The following CSMD3 variants were observed in gnomAD, a reference collection of about 807,000 sequenced individuals.
CSMD3 encodes the protein CUB and Sushi multiple domains 3.
Under a neutral mutation model 435.2 loss-of-function variants are expected in CSMD3, and 177 were observed. That is an observed-to-expected ratio of 0.41 (90% CI 0.36 to 0.46). The LOEUF (loss-of-function observed/expected upper bound fraction) is 0.46. Ranked by LOEUF, CSMD3 falls within the 20% of genes least tolerant of loss-of-function variation. CSMD3 has a pLI of 0.34. For synonymous variants in CSMD3, 1,656 were observed against 1,520.5 expected, an observed-to-expected ratio of 1.09 and a Z score of -2.07; for missense variants, 4,265 against 4,504.6, an observed-to-expected ratio of 0.95 and a Z score of 1.52.
intron 52 of CSMD3, among the ~76,000 whole-genome samples, chr8:112,304,512 T>A (rs1395290935): frequency 6.6e-6 from 1 of 152,066 alleles, no homozygotes; most frequent in Non-Finnish European, 1.5e-5. Flanking sequence ...GATTTCTTAA[T>A]CCAAAGCCCA....
chr8:113,009,068 T>C (rs2086162152), intron 6 of CSMD3, among the ~76,000 whole-genome samples: 1 of 151,760 alleles, frequency 6.6e-6, no homozygotes, highest in South Asian at 2.1e-4. Flanking sequence ...GCCTATTTCT[T>C]AAACTTTTAC....
At chr8:112,594,451 G>A (rs369527790) in intron 22 of CSMD3, among the ~76,000 whole-genome samples, 7 of 152,282 alleles carry the variant, frequency 4.6e-5, no homozygotes, top group African/African-American at 7.2e-5. Flanking sequence ...AGGGGCGCCC[G>A]CCATTGCCCA....
chr8:113,264,598 A>G lies in CSMD3; in HGVS notation c.514+13994T>C, dbSNP rs577468604. Among the ~76,000 whole-genome samples the G allele has an allele frequency of 2.6e-5, 4 of 151,486 alleles. No individual in the cohort carries two copies. The South Asian group carries it at 6.2e-4, about 24-fold the overall frequency. On this transcript the variant is annotated intron_variant, in intron 3 of 70. Coordinates refer to ENST00000297405, the MANE Select transcript of CSMD3 (RefSeq NM_198123.2). ...CAGCTTGTTTTTCTTTTTGTGCTAC[A>G]TAAGCAATTCTGTATTTTTGAAATG...
At chr8:113,376,981 A>C in intron 1 of CSMD3, 1 of 1,220,536 alleles carries the variant, frequency 8.2e-7, no homozygotes, top group East Asian at 4.9e-5. Flanking sequence ...TGCGCTGCGC[A>C]TGACCAGCCG....
rs112417180 is a variant in CSMD3, at chr8:112,817,716, G to A, written c.1859+11970C>T. On this transcript the variant is annotated intron_variant, in intron 12 of 70. Transcript: ENST00000297405. Reference sequence around the variant, plus strand: ...GAGAGAAAAGATAAAATGGGCCATAGATATGGCACAACAAATGACAGATGC... The same window carrying A: ...GAGAGAAAAGATAAAATGGGCCATAAATATGGCACAACAAATGACAGATGC... Among the ~76,000 whole-genome samples the A allele has an allele frequency of 5.0e-3, 766 of 152,148 alleles. 3 individuals are homozygous for A. Among genetic ancestry groups the A allele is most frequent in the African/African-American group, 0.017 (712 of 41,550 alleles).
chr8:112,836,048 G>A (rs1287371139), intron 11 of CSMD3, among the ~76,000 whole-genome samples: 2 of 151,794 alleles, frequency 1.3e-5, no homozygotes, highest in Admixed American at 1.3e-4. Context: ...ATTTGGGATA[G>A]CCTATGTTTT....
At chr8:112,392,972 C>T (rs1830568278) in intron 35 of CSMD3, among the ~76,000 whole-genome samples, 1 of 148,324 alleles carries the variant, frequency 6.7e-6, no homozygotes, top group African/African-American at 2.5e-5. Flanking sequence ...CTCAAGCAAT[C>T]CTCCCACCTC....
intron 20 of CSMD3, among the ~76,000 whole-genome samples, chr8:112,641,994 C>A (rs1295135692): frequency 6.6e-6 from 1 of 151,874 alleles, no homozygotes; most frequent in African/African-American, 2.4e-5. Flanking sequence ...TCTAATAAGG[C>A]AGGGAGAAAA....
At chr8:112,327,971 C>T (rs1823668173) in intron 45 of CSMD3, among the ~76,000 whole-genome samples, 1 of 152,164 alleles carries the variant, frequency 6.6e-6, no homozygotes, top group Non-Finnish European at 1.5e-5. Flanking sequence ...CTATTAAAGC[C>T]TTCTTCAAAA....
intron 31 of CSMD3, among the ~76,000 whole-genome samples, chr8:112,482,232 A>G (rs1563596589): frequency 6.6e-6 from 1 of 152,204 alleles, no homozygotes; most frequent in African/African-American, 2.4e-5. Context: ...GAGTCATTCT[A>G]TGACAAAGTC....
chr8:113,135,034 C>A (rs2091380360), intron 4 of CSMD3, among the ~76,000 whole-genome samples: 1 of 151,970 alleles, frequency 6.6e-6, no homozygotes, highest in Non-Finnish European at 1.5e-5. Context: ...ATTAAGCCAT[C>A]TTAATGATTT....
chr8:113,315,160 C>A (rs1381623074), intron 1 of CSMD3, among the ~76,000 whole-genome samples: 1 of 152,128 alleles, frequency 6.6e-6, no homozygotes, highest in South Asian at 2.1e-4. Flanking sequence ...ATAAACAACA[C>A]TGACATTTTA....
intron 3 of CSMD3, among the ~76,000 whole-genome samples, chr8:113,200,526 A>G (rs930884152): frequency 6.6e-6 from 1 of 151,778 alleles, no homozygotes; most frequent in African/African-American, 2.4e-5. Context: ...CTTAGTGCAC[A>G]CTATACTACA....
chr8:112,455,015 G>A (rs1816683479), intron 32 of CSMD3, among the ~76,000 whole-genome samples: 1 of 151,614 alleles, frequency 6.6e-6, no homozygotes, highest in South Asian at 2.1e-4. Context: ...GAGTGACAGA[G>A]TGAGACCCTA....
chr8:112,745,471 A>C (rs2077405903), intron 13 of CSMD3, among the ~76,000 whole-genome samples: 1 of 152,246 alleles, frequency 6.6e-6, no homozygotes, highest in Non-Finnish European at 1.5e-5. Context: ...TTACTACTGT[A>C]CAATTTACTT....
At chr8:113,111,708 GTC>G (rs1280756929) in intron 4 of CSMD3, among the ~76,000 whole-genome samples, 2 of 152,086 alleles carry the variant, frequency 1.3e-5, no homozygotes, top group African/African-American at 4.8e-5. Flanking sequence ...TTGAGAGGGA[GTC>G]TCGCTTTGTC....
chr8:112,992,922 A>G (rs769684176), intron 6 of CSMD3, among the ~76,000 whole-genome samples: 2 of 151,414 alleles, frequency 1.3e-5, no homozygotes, highest in Non-Finnish European at 3.0e-5. Flanking sequence ...AATGAGGTAG[A>G]TTTCCTGGCC....
chr8:112,919,460 T>C (rs543401162), intron 10 of CSMD3, among the ~76,000 whole-genome samples: 1 of 152,008 alleles, frequency 6.6e-6, no homozygotes, highest in Admixed American at 6.6e-5. Context: ...TGAACAAAGA[T>C]GCTATGTAGT....
chr8:113,080,463 T>C (rs2089515844), intron 5 of CSMD3, among the ~76,000 whole-genome samples: 3 of 152,124 alleles, frequency 2.0e-5, no homozygotes, highest in South Asian at 2.1e-4. Context: ...AATTGACATA[T>C]AATGAATAAT....
Sources: gnomAD v4.1 joint callset for allele counts (sites outside exome capture counted in the v4.1 genomes callset) on GRCh38, gnomAD v4.1.1 for gene constraint, MANE v1.5 for transcripts, NCBI Gene and HGNC (gene_info 2026-07-23, HGNC 2026-07-21) for gene names.